GPC6: variants seen among roughly 807,000 people sequenced by gnomAD.
GPC6 encodes the protein glypican-6.
A neutral mutation model predicts 55.2 loss-of-function variants in GPC6; 14 were observed. The observed-to-expected ratio is 0.25, with a 90% CI of 0.17 to 0.40. GPC6 has a LOEUF of 0.40. GPC6 is among the 10% of genes least tolerant of loss of function. The pLI is 1.00. For synonymous variants in GPC6, 278 were observed against 259.6 expected, an observed-to-expected ratio of 1.07 and a Z score of -0.68; for missense variants, 641 against 708.5, an observed-to-expected ratio of 0.90 and a Z score of 1.08.
chr13:94,023,316 T>TA (rs1190098779), intron 3 of GPC6, among the ~76,000 whole-genome samples: 5 of 151,908 alleles, frequency 3.3e-5, no homozygotes, highest in Admixed American at 6.6e-5. Flanking sequence ...TTTTTTTTTT[T>TA]AATGTTGGAT....
At chr13:93,762,625 AG>A (rs939559142) in intron 2 of GPC6, among the ~76,000 whole-genome samples, 1 of 152,218 alleles carries the variant, frequency 6.6e-6, no homozygotes, top group African/African-American at 2.4e-5. Flanking sequence ...TTAAAATAAA[AG>A]GTTATGCTTG....
intron 1 of GPC6, among the ~76,000 whole-genome samples, chr13:93,317,637 T>G (rs1297138451): frequency 6.6e-6 from 1 of 152,188 alleles, no homozygotes; most frequent in Non-Finnish European, 1.5e-5. Flanking sequence ...GTGGAATCAA[T>G]GCTGAACCTC....
At chr13:93,327,760 A>T (rs200075348) in intron 1 of GPC6, among the ~76,000 whole-genome samples, 26 of 150,688 alleles carry the variant, frequency 1.7e-4, no homozygotes, top group East Asian at 1.2e-3. Context: ...AATTATATAT[A>T]ATATATATAT....
chr13:93,233,933 G>A (rs1247694374), intron 1 of GPC6, among the ~76,000 whole-genome samples: 2 of 152,198 alleles, frequency 1.3e-5, no homozygotes, highest in Non-Finnish European at 2.9e-5. Context: ...TGAACCTTTA[G>A]TTAAAAAGCC....
At chr13:93,647,537 G>A (rs1051085362) in intron 2 of GPC6, among the ~76,000 whole-genome samples, 6 of 152,138 alleles carry the variant, frequency 3.9e-5, no homozygotes, top group Admixed American at 2.6e-4. Context: ...GGATAGCCTC[G>A]ATGCTGAGGC....
chr13:93,981,330 C>G (rs564409326), intron 3 of GPC6, among the ~76,000 whole-genome samples: 1 of 152,194 alleles, frequency 6.6e-6, no homozygotes, highest in African/African-American at 2.4e-5. Context: ...TATGCAAATA[C>G]AAAATACCTC....
chr13:93,415,095 C>T (rs1876649276), intron 1 of GPC6, among the ~76,000 whole-genome samples: 1 of 152,222 alleles, frequency 6.6e-6, no homozygotes. Flanking sequence ...ACAGACTCAA[C>T]TGCATTCAAA....
chr13:93,632,888 C>T (rs2139574104), intron 2 of GPC6, among the ~76,000 whole-genome samples: 1 of 151,938 alleles, frequency 6.6e-6, no homozygotes, highest in African/African-American at 2.4e-5. Context: ...TAAACATTAG[C>T]ACTGAAAATA....
At position 93,272,490 on chromosome 13, in the gene GPC6, G is replaced by GTA. The variant is rs71202576; in HGVS notation, c.160+44875_160+44876insAT. Among the ~76,000 whole-genome samples the GTA allele has an allele frequency of 7.6e-3, 725 of 95,382 alleles. 7 individuals carry two copies. The highest frequency in any genetic ancestry group is 0.022 in the African/African-American group (500 of 22,488). The allele number at this position is 95,382 out of a possible 152,430, so 62.6% of individuals were successfully genotyped here. A position where few individuals can be genotyped will look rare whatever the true frequency, so the allele number is the denominator to read the frequency against. On this transcript the variant is annotated intron_variant, in intron 1 of 8. Transcript: ENST00000377047. ...AAGAATGAGGTGATTCATTGTCTGT[G>GTA]TGTATATATATATATATATATATAT...
intron 1 of GPC6, among the ~76,000 whole-genome samples, chr13:93,317,164 G>C (rs563790460): frequency 5.3e-5 from 8 of 151,978 alleles, no homozygotes; most frequent in Admixed American, 5.3e-4. Context: ...GTGGTCCTGC[G>C]TTCAGAAATC....
intron 2 of GPC6, among the ~76,000 whole-genome samples, chr13:93,715,577 T>G (rs1883223021): frequency 6.6e-6 from 1 of 151,558 alleles, no homozygotes. Flanking sequence ...TCACACAGTA[T>G]AACCAGGTAA....
At chr13:93,469,269 CTG>C (rs1016259654) in intron 1 of GPC6, among the ~76,000 whole-genome samples, 37 of 152,000 alleles carry the variant, frequency 2.4e-4, no homozygotes, top group African/African-American at 8.7e-4. Context: ...TTTTAAATAA[CTG>C]TCTACTTCAA....
intron 5 of GPC6, among the ~76,000 whole-genome samples, chr13:94,303,409 A>T (rs1402800797): frequency 6.6e-6 from 1 of 152,192 alleles, no homozygotes; most frequent in African/African-American, 2.4e-5. Flanking sequence ...TCACCTTCCC[A>T]GCTAGGCTTC....
rs1054074605 is a variant in GPC6, at chr13:93,227,768, G to A, written c.160+152G>A. 8 of 646,296 alleles carry A rather than the reference G, an allele frequency of 1.2e-5. No individual in the cohort carries two copies. The highest frequency in any genetic ancestry group is 8.7e-5 in the Admixed American group (3 of 34,596). The allele number at this position is 646,296 out of a possible 1,614,324, so 40.0% of individuals were successfully genotyped here. ...ACTCCGCGTCTCCGTGTTGGGCGGC[G>A]GATGCTCCTGCGGCTTCTTCGGCGG... On this transcript the variant is annotated intron_variant, in intron 1 of 8. Coordinates refer to ENST00000377047, the MANE Select transcript of GPC6 (RefSeq NM_005708.5). This position sits in a 1 kb window ranked among gnomAD's most constrained non-coding sequence, Gnocchi z 4.3.
intron 4 of GPC6, among the ~76,000 whole-genome samples, chr13:94,171,335 T>G (rs1888563062): frequency 6.6e-6 from 1 of 152,214 alleles, no homozygotes; most frequent in Admixed American, 6.5e-5. Flanking sequence ...TATGGTATGT[T>G]TATGTCATTT....
At chr13:93,819,864 A>G (rs547208656) in intron 2 of GPC6, among the ~76,000 whole-genome samples, 6 of 152,200 alleles carry the variant, frequency 3.9e-5, no homozygotes, top group Non-Finnish European at 8.8e-5. Flanking sequence ...CCAAGAAATA[A>G]AACATTTATC....
intron 2 of GPC6, among the ~76,000 whole-genome samples, chr13:93,722,207 A>T (rs918964248): frequency 1.7e-4 from 26 of 151,794 alleles, no homozygotes; most frequent in Admixed American, 1.6e-3. Context: ...ACCTTTCATT[A>T]ATCATGCCTG....
rs1876342886 is a variant in GPC6, at chr13:93,407,617, G to T, written c.161-137646G>T. On this transcript the variant is annotated intron_variant, in intron 1 of 8. Transcript: ENST00000377047. ...GAATATGGTAATTGATAGAAAAGTT[G>T]ACCAAGTAGAAAACTGTAATATGTC... Among the ~76,000 whole-genome samples the T allele has an allele frequency of 3.9e-5, 6 of 152,086 alleles. No homozygotes were observed. In the South Asian group the frequency reaches 1.2e-3, roughly 32 times the overall value.
chr13:94,378,819 C>T (rs746641602), intron 6 of GPC6, among the ~76,000 whole-genome samples: 4 of 152,142 alleles, frequency 2.6e-5, no homozygotes, highest in African/African-American at 4.8e-5. Flanking sequence ...TTGGAGCGAT[C>T]GTAAATACTG....
Sources: allele counts gnomAD v4.1 joint callset (sites outside exome capture counted in the v4.1 genomes callset), GRCh38; gene constraint gnomAD v4.1.1; non-coding constraint Gnocchi (gnomAD v3.1); transcripts MANE v1.5; gene names NCBI Gene and HGNC (gene_info 2026-07-23, HGNC 2026-07-21).